IQGAP1: variants seen among roughly 807,000 people sequenced by gnomAD.
The protein encoded by IQGAP1 is IQ motif containing GTPase activating protein 1.
IQGAP1 carries 66 observed loss-of-function variants against 215.6 expected under a neutral mutation model. That is an observed-to-expected ratio of 0.31 (90% CI 0.25 to 0.38). The LOEUF is 0.38. Ranked by LOEUF, IQGAP1 falls within the 10% of genes least tolerant of loss-of-function variation. IQGAP1 has a pLI of 1.00. For missense variants in IQGAP1, 1,712 were observed against 1,997.1 expected, an observed-to-expected ratio of 0.86 and a Z score of 2.72; for synonymous variants, 772 against 728.7, an observed-to-expected ratio of 1.06 and a Z score of -0.96.
chr15:90,478,468 A>G (rs1427463958), intron 26 of IQGAP1, among the ~76,000 whole-genome samples: 2 of 152,218 alleles, frequency 1.3e-5, no homozygotes, highest in African/African-American at 4.8e-5. Flanking sequence ...TTCATAGTTC[A>G]TTGGGTGGAA....
At chr15:90,389,330 A>G (rs1048746253) in intron 1 of IQGAP1, among the ~76,000 whole-genome samples, 3 of 146,434 alleles carry the variant, frequency 2.0e-5, no homozygotes, top group African/African-American at 7.5e-5. Flanking sequence ...CAGTATGAGC[A>G]CGGGAGGTGA....
chr15:90,444,616 AC>A (rs1450575393), intron 9 of IQGAP1, among the ~76,000 whole-genome samples: 1 of 152,084 alleles, frequency 6.6e-6, no homozygotes. Context: ...ATGAGATTAT[AC>A]TTTTAATATT....
chr15:90,493,445 C>CT (rs887386206), intron 35 of IQGAP1, among the ~76,000 whole-genome samples: 5 of 152,196 alleles, frequency 3.3e-5, no homozygotes, highest in African/African-American at 1.2e-4. Flanking sequence ...TGGCCACAAA[C>CT]TATCAGCATG....
At chr15:90,407,244 T>C (rs1338727157) in intron 2 of IQGAP1, among the ~76,000 whole-genome samples, 2 of 152,226 alleles carry the variant, frequency 1.3e-5, no homozygotes, top group Non-Finnish European at 2.9e-5. Context: ...ATAAAGGGTC[T>C]ACCAATTATG....
intron 29 of IQGAP1, 130 bp from the exon 30 acceptor site, chr15:90,484,090 C>G: frequency 1.3e-6 from 1 of 764,656 alleles, no homozygotes; most frequent in East Asian, 2.5e-5. Flanking sequence ...AAACACACAG[C>G]ACTTTCTCTT....
At chr15:90,432,019 G>C (rs1469192917) in intron 4 of IQGAP1, among the ~76,000 whole-genome samples, 1 of 152,104 alleles carries the variant, frequency 6.6e-6, no homozygotes, top group Non-Finnish European at 1.5e-5. Context: ...ATGTCCTAGT[G>C]ATGGACATAC....
Position 90,476,825 on chromosome 15 carries a change from G to A in IQGAP1, c.2940+7G>A, listed in dbSNP as rs1178201779. On this transcript the variant is annotated splice_region_variant and intron_variant, in intron 24 of 37. Coordinates refer to ENST00000268182, the MANE Select transcript of IQGAP1 (RefSeq NM_003870.4). ...CCTGTTTTATTTATTGCAAGTAAGT[G>A]GCTCCTGGAATCAGTGTTATAAAAA... The A allele has an allele frequency of 6.3e-7, 1 of 1,583,708 alleles. No individual in the cohort carries two copies. Among genetic ancestry groups the A allele is most frequent in the Non-Finnish European group, 8.5e-7 (1 of 1,172,886 alleles).
intron 2 of IQGAP1, among the ~76,000 whole-genome samples, chr15:90,416,611 T>A (rs1029782014): frequency 7.9e-5 from 12 of 151,150 alleles, no homozygotes; most frequent in South Asian, 2.1e-4. Flanking sequence ...GGAGTCTTGC[T>A]CTGTTGCCCA....
At chr15:90,464,691 A>G (rs1479551370) in intron 15 of IQGAP1, among the ~76,000 whole-genome samples, 1 of 152,056 alleles carries the variant, frequency 6.6e-6, no homozygotes, top group African/African-American at 2.4e-5. Flanking sequence ...TCTACTAAAA[A>G]AATACAAAAA....
chr15:90,442,230 T>C (rs549228432), intron 8 of IQGAP1, among the ~76,000 whole-genome samples: 42 of 152,226 alleles, frequency 2.8e-4, no homozygotes, highest in Admixed American at 1.9e-3. Context: ...AATCTGAGGA[T>C]CTCATTTCCC....
chr15:90,491,829 A>T (rs1966209230), intron 34 of IQGAP1, among the ~76,000 whole-genome samples: 1 of 152,234 alleles, frequency 6.6e-6, no homozygotes, highest in African/African-American at 2.4e-5. Context: ...TTTCATGATT[A>T]CTGTGAAATA....
chr15:90,443,171 G>A (rs2238323), intron 8 of IQGAP1, among the ~76,000 whole-genome samples: 24,177 of 152,094 alleles, frequency 0.16, 2,669 homozygotes, highest in East Asian at 0.46. Context: ...ATGTTGCCCA[G>A]GCTGATCTCA....
Position 90,418,672 on chromosome 15 carries a change from T to C in IQGAP1, c.156-7438T>C, listed in dbSNP as rs143302954. Among the ~76,000 whole-genome samples, 333 of 152,336 alleles carry C rather than the reference T, an allele frequency of 2.2e-3. 1 individual carries two copies. The highest frequency in any genetic ancestry group is 7.7e-3 in the African/African-American group (320 of 41,582). On this transcript the variant is annotated intron_variant, in intron 2 of 37. Coordinates refer to ENST00000268182, the MANE Select transcript of IQGAP1 (RefSeq NM_003870.4). ...GTACTAATTGTATCAGCTTCACCAA[T>C]GTGTAATACTAGGCCTCTCCCTTAG...
chr15:90,449,906 C>T (rs900542842), intron 11 of IQGAP1, among the ~76,000 whole-genome samples: 14 of 152,158 alleles, frequency 9.2e-5, no homozygotes, highest in Non-Finnish European at 1.9e-4. Context: ...CCAAGAAGCA[C>T]TGACGTATGA....
rs199582866 is a variant in IQGAP1, at chr15:90,456,924, G to A, written c.1776+609G>A. On this transcript the variant is annotated intron_variant, in intron 15 of 37. Coordinates refer to ENST00000268182, the MANE Select transcript of IQGAP1 (RefSeq NM_003870.4). ...TATATATATATATGTGTGTGTGTGT[G>A]TATATATATATATACGTATATATAT... 4.4e-4 allele frequency among the ~76,000 whole-genome samples: 58 copies of A among 131,486 alleles called. 1 individual carries two copies. Among genetic ancestry groups the A allele is most frequent in the South Asian group, 2.6e-3 (11 of 4,194 alleles). 86.3% of individuals were successfully genotyped at this position (131,486 alleles called of 152,430 possible).
chr15:90,388,602 C>T (rs1964587155), intron 1 of IQGAP1, among the ~76,000 whole-genome samples: 2 of 152,158 alleles, frequency 1.3e-5, no homozygotes, highest in South Asian at 2.1e-4. Context: ...GCGGAGAGGA[C>T]CCCCGAGGCC....
At chr15:90,417,181 T>G (rs971159587) in intron 2 of IQGAP1, among the ~76,000 whole-genome samples, 15 of 152,228 alleles carry the variant, frequency 9.9e-5, no homozygotes, top group Admixed American at 9.8e-4. Context: ...GATGGTAGTT[T>G]CTTTTGCTGT....
In IQGAP1 at chr15:90,498,663, G is replaced by A. The variant is rs147715703; in HGVS notation, c.4860+1323G>A. ...TGTGGGGTCCTTTCTTTTTTTGGAG[G>A]GGGGGGCAGAGTCTCGCCCTGTCTC... On this transcript the variant is annotated intron_variant, in intron 37 of 37. Coordinates refer to ENST00000268182, the MANE Select transcript of IQGAP1 (RefSeq NM_003870.4). Among the ~76,000 whole-genome samples, 123 of 151,404 alleles carry A rather than the reference G, an allele frequency of 8.1e-4. 1 individual carries two copies. Among genetic ancestry groups the A allele is most frequent in the Non-Finnish European group, 1.3e-3 (90 of 67,794 alleles).
intron 3 of IQGAP1, 89 bp downstream of exon 3, chr15:90,426,355 G>A: frequency 1.4e-6 from 2 of 1,398,316 alleles, no homozygotes; most frequent in Non-Finnish European, 1.9e-6. Context: ...TGAGAAGTCT[G>A]TGTAAGGTGT....
Sources: allele counts gnomAD v4.1 joint callset (sites outside exome capture counted in the v4.1 genomes callset), GRCh38; gene constraint gnomAD v4.1.1; transcripts MANE v1.5; gene names NCBI Gene and HGNC (gene_info 2026-07-23, HGNC 2026-07-21).